TET3: variants seen among roughly 807,000 people sequenced by gnomAD.
TET3 encodes the protein tet methylcytosine dioxygenase 3, also known as methylcytosine dioxygenase TET3.
TET3 carries 19 observed loss-of-function variants against 141.4 expected under a neutral mutation model. The observed-to-expected ratio is 0.13, with a 90% CI of 0.09 to 0.20. The LOEUF is 0.20. Among genes scored for constraint, TET3 ranks in the 10% least tolerant of loss-of-function variants. The pLI is 1.00. For synonymous variants in TET3, 1,043 were observed against 980.9 expected, an observed-to-expected ratio of 1.06 and a Z score of -1.18; for missense variants, 1,874 against 2,356.9, an observed-to-expected ratio of 0.80 and a Z score of 4.24.
chr2:74,097,805 G>T (rs779268442), intron 10 of TET3, among the ~76,000 whole-genome samples: 1 of 152,170 alleles, frequency 6.6e-6, no homozygotes, highest in African/African-American at 2.4e-5. Flanking sequence ...TAAAGGAGAT[G>T]GCGAGGGGGT....
At chr2:74,002,089 C>G (rs938426318) in intron 2 of TET3, among the ~76,000 whole-genome samples, 2 of 152,076 alleles carry the variant, frequency 1.3e-5, no homozygotes, top group African/African-American at 4.8e-5. Context: ...GAGCAGAGAG[C>G]TTGCATAGCT....
rs1684939285 is a variant in TET3 at position 74,002,907 on chromosome 2, C to G, written c.304-203C>G. On this transcript the variant is annotated intron_variant, in intron 2 of 11. Coordinates refer to ENST00000409262, the MANE Select transcript of TET3 (RefSeq NM_001287491.2). ...GAGGAGAAATGAAAACAAAAACACA[C>G]TGGAAGGCGGGGGAGCCTGTCTGCC... 1.8e-5 allele frequency: 11 copies of G among 598,850 alleles called. No homozygotes were observed. In the East Asian group the frequency reaches 2.5e-4, roughly 14 times the overall value. The allele number at this position is 598,850 out of a possible 1,614,324, so 37.1% of individuals were successfully genotyped here.
Position 74,062,247 on chromosome 2 carries a change from C to T in TET3, c.2495-11302C>T, listed in dbSNP as rs1377141007. Among the ~76,000 whole-genome samples the T allele has an allele frequency of 3.3e-5, 5 of 152,160 alleles. No homozygotes were observed. In the East Asian group the frequency reaches 5.8e-4, roughly 18 times the overall value. ...CAGCCCGGCCAACACAGCGAAACCC[C>T]GTCTCCACCAAAAAAAATCCATAAA... On this transcript the variant is annotated intron_variant, in intron 4 of 11. Coordinates refer to ENST00000409262, the MANE Select transcript of TET3 (RefSeq NM_001287491.2).
the TET3 span, chr2:74,122,371 G>A: frequency 6.6e-6 from 1 of 151,410 alleles, no homozygotes; most frequent in African/African-American, 2.4e-5. Flanking sequence ...AGACTGGAAG[G>A]ACTCAGAAGG....
chr2:74,066,311 T>A (rs749676876), intron 4 of TET3, among the ~76,000 whole-genome samples: 54 of 152,332 alleles, frequency 3.5e-4, no homozygotes, highest in Non-Finnish European at 4.3e-4. Context: ...TTAAGTACCG[T>A]ATATAACATT....
At position 74,048,172 on chromosome 2, in the gene TET3, G is replaced by A. The variant is rs764020235; in HGVS notation, c.2255G>A (p.Arg752His). Residue 752 changes from arginine to histidine, a missense_variant, in exon 4 of 12, where the codon CGT (arginine) becomes CAT (histidine). This residue lies in a region of TET3 where 83 missense variants were observed against 107.0 expected (regional missense o/e 0.78). Coordinates refer to ENST00000409262, the MANE Select transcript of TET3 (RefSeq NM_001287491.2). The part of the protein sequence containing the change: ...LPAPESPFAT[R>H]SPKQIKIESS... Reference sequence around the variant, plus strand: ...GCCCCTGAGAGCCCCTTTGCTACCCGTTCCCCCAAGCAAATCAAGATTGAG... The same window carrying A: ...GCCCCTGAGAGCCCCTTTGCTACCCATTCCCCCAAGCAAATCAAGATTGAG... The A allele has an allele frequency of 1.4e-5, 23 of 1,612,056 alleles. No homozygotes were observed. Among genetic ancestry groups the A allele is most frequent in the East Asian group, 4.5e-5 (2 of 44,824 alleles).
rs907707818 is a variant in TET3 at position 74,102,820 on chromosome 2, G to T, written c.*644G>T. 1 of 152,166 alleles carries T rather than the reference G, an allele frequency of 6.6e-6. No individual in the cohort carries two copies. The highest frequency in any genetic ancestry group is 2.4e-5 in the African/African-American group (1 of 41,430). 9.4% of individuals were successfully genotyped at this position (152,166 alleles called of 1,614,324 possible). ...GGAAGGGAGCCTCAGGACAGCTTCT[G>T]TCCTCTCTGATAGGATGGGAGAGTC... On this transcript the variant is annotated 3_prime_UTR_variant, in exon 12 of 12. Transcript: ENST00000409262.
chr2:74,002,439 G>A (rs1684901685), intron 2 of TET3, among the ~76,000 whole-genome samples: 1 of 151,286 alleles, frequency 6.6e-6, no homozygotes, highest in Non-Finnish European at 1.5e-5. Flanking sequence ...TCCTGGAGGC[G>A]CAGAGGACGC....
At chr2:74,118,970 A>T in the TET3 span, among the ~76,000 whole-genome samples, 1 of 152,230 alleles carries the variant, frequency 6.6e-6, no homozygotes, top group Admixed American at 6.5e-5. Flanking sequence ...ACCAAGATCC[A>T]GTCCAGAATC....
chr2:74,025,382 G>A (rs879471697), intron 3 of TET3, among the ~76,000 whole-genome samples: 4 of 149,740 alleles, frequency 2.7e-5, no homozygotes, highest in Admixed American at 6.6e-5. Context: ...TCTGCCTCCC[G>A]GCTTCACGCC....
rs1691269703 is a variant in TET3 at position 74,102,276 on chromosome 2, CTT to C, written c.*104_*105del. Reference sequence around the variant, plus strand: ...GGGGGCGGGTTGGGGGTGCAGAAGTCTTTTTATCTCTATATACATATATAGAT... The same window carrying C: ...GGGGGCGGGTTGGGGGTGCAGAAGTCTTTATCTCTATATACATATATAGAT... On this transcript the variant is annotated 3_prime_UTR_variant, in exon 12 of 12. Transcript: ENST00000409262. 1.5e-6 allele frequency: 2 copies of C among 1,353,182 alleles called. No individual in the cohort carries two copies. The highest frequency in any genetic ancestry group is 4.6e-5 in the South Asian group (2 of 43,076). 83.8% of individuals were successfully genotyped at this position (1,353,182 alleles called of 1,614,324 possible). A position where few individuals can be genotyped will look rare whatever the true frequency, so the allele number is the denominator to read the frequency against.
intron 3 of TET3, among the ~76,000 whole-genome samples, chr2:74,021,333 A>G (rs1347519126): frequency 1.3e-5 from 2 of 152,228 alleles, no homozygotes; most frequent in Non-Finnish European, 2.9e-5. Flanking sequence ...TACAGAGCAG[A>G]GCGCATTCTG....
In TET3 at chr2:74,101,229, G is replaced by A. The variant is rs749378388; in HGVS notation, c.4441G>A (p.Ala1481Thr). The A allele has an allele frequency of 6.2e-7, 1 of 1,612,688 alleles. No individual in the cohort carries two copies. Among genetic ancestry groups the A allele is most frequent in the African/African-American group, 1.3e-5 (1 of 74,898 alleles). ...KLSSFGASCL[A>T]PSHFTDGQWG... ...CAGTTCCTTTGGGGCCAGCTGCCTG[G>A]CCCCTTCCCACTTCACAGATGGCCA... Residue 1481 changes from alanine to threonine, a missense_variant, in exon 12 of 12, where the codon GCC (alanine) becomes ACC (threonine). Transcript: ENST00000409262. The surrounding 1 kb of genome is among the most constrained non-coding windows in gnomAD (Gnocchi z 8.5).
At chr2:74,079,283 T>C (rs1020673623) in intron 5 of TET3, among the ~76,000 whole-genome samples, 1 of 151,966 alleles carries the variant, frequency 6.6e-6, no homozygotes, top group Admixed American at 6.6e-5. Context: ...GAAGCGGAGG[T>C]TGCAATGAGC....
chr2:73,998,810 G>T (rs1684714320), intron 2 of TET3, among the ~76,000 whole-genome samples: 1 of 151,984 alleles, frequency 6.6e-6, no homozygotes, highest in Middle Eastern at 3.4e-3. Flanking sequence ...TTTTTTTTTG[G>T]CAGGATCCTT....
At chr2:74,034,027 C>T (rs1241367750) in intron 3 of TET3, among the ~76,000 whole-genome samples, 1 of 151,728 alleles carries the variant, frequency 6.6e-6, no homozygotes, top group African/African-American at 2.4e-5. Flanking sequence ...ACCCAGGAGG[C>T]GGAGGTTGCA....
chr2:74,133,664 A>G, the TET3 span, among the ~76,000 whole-genome samples: 1 of 152,246 alleles, frequency 6.6e-6, no homozygotes, highest in African/African-American at 2.4e-5. Flanking sequence ...CAAACAATCC[A>G]AGGGAGAGAG....
rs995665292 is a variant in TET3, at chr2:74,107,295, G to C, written c.*5119G>C. On this transcript the variant is annotated 3_prime_UTR_variant, in exon 12 of 12. Coordinates refer to ENST00000409262, the MANE Select transcript of TET3 (RefSeq NM_001287491.2). ...TGAGCAGAGACCGCAGCACAGAAATGCAAGGTCTAAAGTTGCTTTTTGCCT... is the reference window on the plus strand; with the variant it reads ...TGAGCAGAGACCGCAGCACAGAAATCCAAGGTCTAAAGTTGCTTTTTGCCT... 6.6e-6 allele frequency: 1 copy of C among 152,268 alleles called. No individual in the cohort carries two copies. The highest frequency in any genetic ancestry group is 2.4e-5 in the African/African-American group (1 of 41,472). The allele number at this position is 152,268 out of a possible 1,614,324, so 9.4% of individuals were successfully genotyped here.
intron 2 of TET3, among the ~76,000 whole-genome samples, chr2:73,988,187 G>A (rs1015432986): frequency 2.0e-5 from 3 of 152,180 alleles, no homozygotes; most frequent in African/African-American, 7.2e-5. Context: ...CCCATGGGTC[G>A]CTACTGAAAG....
Sources: allele counts gnomAD v4.1 joint callset (sites outside exome capture counted in the v4.1 genomes callset), GRCh38; gene constraint gnomAD v4.1.1; regional missense constraint gnomAD v4.1.1; non-coding constraint Gnocchi (gnomAD v3.1); transcripts MANE v1.5; gene names NCBI Gene and HGNC (gene_info 2026-07-23, HGNC 2026-07-21).